INTS7: variants seen among roughly 807,000 people sequenced by gnomAD.
INTS7 encodes the protein chromosome 1 open reading frame 73.
In INTS7, 46 loss-of-function variants were observed where a neutral mutation model predicts 109.2. The observed-to-expected ratio is 0.42, with a 90% confidence interval of 0.33 to 0.54. The LOEUF (loss-of-function observed/expected upper bound fraction) is 0.54, where lower values mean the gene tolerates loss of function less well. INTS7 is among the 20% of genes least tolerant of loss of function. INTS7 has a pLI of 0.07. For missense variants in INTS7, 929 were observed against 1,132.4 expected, an observed-to-expected ratio of 0.82 and a Z score of 2.58; for synonymous variants, 412 against 402.9, an observed-to-expected ratio of 1.02 and a Z score of -0.27.
rs770322794 is a variant in INTS7 at position 212,007,369 on chromosome 1, T to G, written c.637A>C (p.Ser213Arg). The change falls in exon 6 of 20, where the codon AGT becomes CGT. Residue 213 changes from serine (S) to arginine (R), a missense_variant. Physicochemically the swap from Ser to Arg is moderately radical, Grantham distance 110. This residue lies in a region of INTS7 where 787 missense variants were observed against 901.1 expected (regional missense o/e 0.87). Coordinates refer to ENST00000366994, the MANE Select transcript of INTS7 (RefSeq NM_015434.4). ...HMHHDAILAS[S>R]ARQLLQQLVT... ...AGCTGTTGTAAAAGCTGACGAGCAC[T>G]GGAAGCCAAGATTGCATCATGGTGC... 1 of 1,614,050 alleles carries G rather than the reference T, an allele frequency of 6.2e-7. No individual in the cohort carries two copies. The highest frequency in any genetic ancestry group is 2.2e-5 in the East Asian group (1 of 44,886).
At chr1:212,017,148 T>C (rs2102485573) in intron 3 of INTS7, 125 bp from the exon 4 acceptor site, 1 of 614,492 alleles carries the variant, frequency 1.6e-6, no homozygotes. Flanking sequence ...TAACTCCAGT[T>C]AATAAAGCAT....
At position 211,942,928 on chromosome 1, in the gene INTS7, T is replaced by C. The variant is rs1456374884; in HGVS notation, c.2602-817A>G. On this transcript the variant is annotated intron_variant, in intron 19 of 19. Coordinates refer to ENST00000366994, the MANE Select transcript of INTS7 (RefSeq NM_015434.4). The surrounding 1 kb of genome is among the most constrained non-coding windows in gnomAD (Gnocchi z 4.2). The stretch of plus-strand genomic sequence containing the variant: ...AAATTACTCTAGGTTTATGTGCGTG[T>C]TTCTGTGGTGTAATTAATTATATAA... 6.6e-6 allele frequency among the ~76,000 whole-genome samples: 1 copy of C among 152,210 alleles called. No individual in the cohort carries two copies. Among genetic ancestry groups the C allele is most frequent in the African/African-American group, 2.4e-5 (1 of 41,460 alleles).
At chr1:212,032,523 C>T (rs1025110392) in intron 1 of INTS7, among the ~76,000 whole-genome samples, 1 of 151,714 alleles carries the variant, frequency 6.6e-6, no homozygotes, top group Non-Finnish European at 1.5e-5. Flanking sequence ...GTTGCCCAGA[C>T]TGGAGTGCAG....
At position 211,987,972 on chromosome 1, in the gene INTS7, T is replaced by A; in HGVS notation, c.911A>T (p.Tyr304Phe). The change falls in exon 8 of 20, where the codon TAT becomes TTT. Residue 304 changes from tyrosine to phenylalanine, a missense_variant. By Grantham distance (22) the Tyr-to-Phe change is conservative. Transcript: ENST00000366994. ...CAACATCCCTAGTTTTAAGCTGTCA[T>A]AAGGAGTCTGGAGGGCACACTCACA... ...ALCECALQTP[Y>F]DSLKLGMLSV... is the part of the protein sequence containing the mutation. The A allele has an allele frequency of 6.2e-7, 1 of 1,611,516 alleles. No individual in the cohort carries two copies. The highest frequency in any genetic ancestry group is 2.2e-5 in the East Asian group (1 of 44,828).
In INTS7 at chr1:211,946,707, T is replaced by TG; in HGVS notation, c.2317-3dup. The TG allele has an allele frequency of 6.3e-7, 1 of 1,597,210 alleles. No homozygotes were observed. Among genetic ancestry groups the TG allele is most frequent in the South Asian group, 1.1e-5 (1 of 88,286 alleles). On this transcript the variant is annotated splice_polypyrimidine_tract_variant and splice_region_variant and intron_variant, in intron 17 of 19. Transcript: ENST00000366994. The surrounding 1 kb of genome is among the most constrained non-coding windows in gnomAD (Gnocchi z 4.3). ...GGCATTGCAGAGGCATGCTGTGTGC[T>TG]GGGGGAAAAAAGAAACTAAATCAAA...
chr1:211,954,849 C>T (rs1663290193), intron 16 of INTS7, among the ~76,000 whole-genome samples: 1 of 152,148 alleles, frequency 6.6e-6, no homozygotes, highest in South Asian at 2.1e-4. Context: ...CGGCTTTGTT[C>T]TTTTGGTTTA....
chr1:211,952,557 A>G lies in INTS7; in HGVS notation c.2316+12T>C. 6.2e-7 allele frequency: 1 copy of G among 1,610,378 alleles called. No homozygotes were observed. On this transcript the variant is annotated intron_variant, in intron 17 of 19. Coordinates refer to ENST00000366994, the MANE Select transcript of INTS7 (RefSeq NM_015434.4). ...CATACAATAAAAGCTCAATAAAACA[A>G]ATGCCACTTGCCATATAAGAAACAG...
intron 7 of INTS7, among the ~76,000 whole-genome samples, chr1:212,002,664 C>T (rs1333848367): frequency 1.3e-5 from 2 of 152,222 alleles, no homozygotes; most frequent in African/African-American, 4.8e-5. Flanking sequence ...GCACAAATGT[C>T]AACTTCGCAG....
chr1:211,971,069 C>A (rs1161171985), intron 13 of INTS7, among the ~76,000 whole-genome samples: 1 of 152,196 alleles, frequency 6.6e-6, no homozygotes, highest in South Asian at 2.1e-4. Context: ...GGGGAAGATA[C>A]ACAGCTCCGA....
At chr1:211,999,519 A>T (rs759542853) in intron 7 of INTS7, among the ~76,000 whole-genome samples, 2 of 152,150 alleles carry the variant, frequency 1.3e-5, no homozygotes, top group African/African-American at 2.4e-5. Context: ...CTGTATCTCA[A>T]TTGTGGTGGT....
At chr1:211,968,890 C>G (rs1317293853) in intron 13 of INTS7, among the ~76,000 whole-genome samples, 183 bp from the exon 14 acceptor site, 3 of 152,076 alleles carry the variant, frequency 2.0e-5, no homozygotes, top group Admixed American at 2.0e-4. Flanking sequence ...TTATTAAACA[C>G]CAGCTCTGAA....
intron 3 of INTS7, among the ~76,000 whole-genome samples, chr1:212,019,640 A>G (rs1318225369): frequency 6.6e-6 from 1 of 152,332 alleles, no homozygotes; most frequent in African/African-American, 2.4e-5. Context: ...TCTAACAAAT[A>G]AATTTTTTTA....
intron 13 of INTS7, 150 bp from the exon 14 acceptor site, chr1:211,968,857 T>C: frequency 1.8e-6 from 1 of 558,446 alleles, no homozygotes; most frequent in South Asian, 3.4e-5. Flanking sequence ...AAGAATAATG[T>C]AATATTAGAA....
chr1:212,021,809 C>T (rs184294811), intron 1 of INTS7, among the ~76,000 whole-genome samples: 14 of 151,962 alleles, frequency 9.2e-5, no homozygotes, highest in Admixed American at 3.9e-4. Flanking sequence ...GATTGTGTCA[C>T]GGTGCTCCAG....
chr1:211,978,517 C>G lies in INTS7; in HGVS notation c.1231-6G>C, dbSNP rs376632821. 4 of 1,613,414 alleles carry G rather than the reference C, an allele frequency of 2.5e-6. No homozygotes were observed. The highest frequency in any genetic ancestry group is 3.4e-6 in the Non-Finnish European group (4 of 1,179,664). On this transcript the variant is annotated splice_polypyrimidine_tract_variant and splice_region_variant and intron_variant, in intron 10 of 19. Coordinates refer to ENST00000366994, the MANE Select transcript of INTS7 (RefSeq NM_015434.4). ...ACCATACAGTTTAGAGCAATCTGCA[C>G]GCCAAAAAGAAAATGAACTAGTTAC...
At chr1:211,957,166 C>T (rs1447908607) in intron 16 of INTS7, among the ~76,000 whole-genome samples, 1 of 152,142 alleles carries the variant, frequency 6.6e-6, no homozygotes, top group Non-Finnish European at 1.5e-5. Flanking sequence ...CTAGTGATTA[C>T]TGATGTCAAG....
At chr1:212,030,328 G>A (rs992071296) in intron 1 of INTS7, among the ~76,000 whole-genome samples, 6 of 149,478 alleles carry the variant, frequency 4.0e-5, no homozygotes, top group Admixed American at 3.4e-4. Context: ...CATTCTTGTC[G>A]CCCAGGCTGG....
intron 2 of INTS7, 106 bp from the exon 3 acceptor site, chr1:212,020,374 A>G: frequency 2.8e-6 from 2 of 714,192 alleles, no homozygotes; most frequent in East Asian, 5.7e-5. Context: ...AATATTTTTC[A>G]ATCTTAACAT....
At chr1:211,976,481 A>G (rs1664427972) in intron 12 of INTS7, 101 bp downstream of exon 12, 2 of 1,076,656 alleles carry the variant, frequency 1.9e-6, no homozygotes, top group East Asian at 4.9e-5. Flanking sequence ...AGGTACTTCC[A>G]TCTTTATTTT....
Sources: allele counts gnomAD v4.1 joint callset (sites outside exome capture counted in the v4.1 genomes callset), GRCh38; gene constraint gnomAD v4.1.1; regional missense constraint gnomAD v4.1.1; non-coding constraint Gnocchi (gnomAD v3.1); transcripts MANE v1.5; gene names NCBI Gene and HGNC (gene_info 2026-07-23, HGNC 2026-07-21).